C19orf44: variants seen among roughly 807,000 people sequenced by gnomAD.
C19orf44 encodes the protein chromosome 19 open reading frame 44.
C19orf44 carries 43 observed loss-of-function variants against 50.7 expected under a neutral mutation model. That is an observed-to-expected ratio of 0.85 (90% CI 0.66 to 1.09). The LOEUF (loss-of-function observed/expected upper bound fraction) is 1.09. Ranked by LOEUF, C19orf44 falls within the 50% of genes least tolerant of loss-of-function variation. The pLI, the probability that C19orf44 is intolerant of heterozygous loss-of-function variation, is 0.00. For missense variants in C19orf44, 722 were observed against 836.2 expected (o/e 0.86, Z 1.68); for synonymous variants, 298 against 334.7 (o/e 0.89, Z 1.20).
chr19:16,507,995 T>C (rs1462554936), intron 4 of C19orf44, among the ~76,000 whole-genome samples: 2 of 151,286 alleles, frequency 1.3e-5, no homozygotes, highest in Non-Finnish European at 2.9e-5. Flanking sequence ...TTAGTAGAGA[T>C]GGGGTTTCAC....
In C19orf44 at chr19:16,519,766, G is replaced by A. The variant is rs1329521956; in HGVS notation, c.*41-328G>A. 3 of 1,476,568 alleles carry A rather than the reference G, an allele frequency of 2.0e-6. No individual in the cohort carries two copies. The highest frequency in any genetic ancestry group is 2.8e-6 in the Non-Finnish European group (3 of 1,055,142). The allele number at this position is 1,476,568 out of a possible 1,614,324, so 91.5% of individuals were successfully genotyped here. A position where few individuals can be genotyped will look rare whatever the true frequency, so the allele number is the denominator to read the frequency against. On this transcript the variant is annotated intron_variant, in intron 8 of 8. Transcript: ENST00000221671. The surrounding 1 kb of genome is among the most constrained non-coding windows in gnomAD (Gnocchi z 6.0). The stretch of plus-strand genomic sequence containing the variant: ...TTAAGAAGTAACTGAGACATTTATT[G>A]GAATGACAGTGATGAGGACCTCACA...
chr19:16,503,904 G>A (rs1412839358), intron 3 of C19orf44, among the ~76,000 whole-genome samples: 3 of 152,168 alleles, frequency 2.0e-5, no homozygotes, highest in Non-Finnish European at 4.4e-5. Context: ...CCTGTTGGAA[G>A]CTGTTGGAGG....
chr19:16,502,978 C>A, intron 2 of C19orf44, 87 bp from the exon 3 acceptor site: 1 of 1,252,860 alleles, frequency 8.0e-7, no homozygotes, highest in Non-Finnish European at 1.1e-6. Context: ...CAGAGTGAGA[C>A]CCTTTCTCAA....
At chr19:16,507,105 G>A (rs2093442766) in intron 4 of C19orf44, among the ~76,000 whole-genome samples, 1 of 152,230 alleles carries the variant, frequency 6.6e-6, no homozygotes, top group South Asian at 2.1e-4. Context: ...GGTGACAGAT[G>A]CCACTGGCAT....
At chr19:16,518,670 G>A (rs975339447) in intron 8 of C19orf44, 2 of 156,752 alleles carry the variant, frequency 1.3e-5, no homozygotes, top group African/African-American at 2.4e-5. Flanking sequence ...CATGGCACTG[G>A]GCTTCGGCTT....
At chr19:16,500,149 G>A (rs1169029386) in intron 1 of C19orf44, among the ~76,000 whole-genome samples, 1 of 151,908 alleles carries the variant, frequency 6.6e-6, no homozygotes, top group Non-Finnish European at 1.5e-5. Context: ...GGCTGGTCTC[G>A]AACCCCTGGG....
intron 5 of C19orf44, 154 bp downstream of exon 5, chr19:16,510,142 C>T: frequency 8.6e-7 from 1 of 1,157,874 alleles, no homozygotes; most frequent in Non-Finnish European, 1.2e-6. Context: ...CAAGGTGGCT[C>T]ACGCCTGTAA....
intron 6 of C19orf44, 96 bp from the exon 7 acceptor site, chr19:16,514,401 A>T: frequency 1.0e-4 from 118 of 1,148,098 alleles, no homozygotes; most frequent in Middle Eastern, 2.6e-4. Flanking sequence ...AAAAAAAAAG[A>T]TTTCAGAGAG....
chr19:16,499,278 T>C (rs1053530322), intron 1 of C19orf44, among the ~76,000 whole-genome samples: 8 of 152,170 alleles, frequency 5.3e-5, no homozygotes, highest in East Asian at 3.9e-4. Context: ...CATTCTTGTA[T>C]AGAATCTTTT....
chr19:16,506,450 G>A (rs1356787416), intron 3 of C19orf44, among the ~76,000 whole-genome samples: 3 of 151,974 alleles, frequency 2.0e-5, no homozygotes, highest in Non-Finnish European at 2.9e-5. Context: ...AAAATTAGCC[G>A]GGCGAGGTGT....
chr19:16,518,046 T>G (rs1321091494), intron 8 of C19orf44: 1 of 152,182 alleles, frequency 6.6e-6, no homozygotes, highest in Non-Finnish European at 1.5e-5. Context: ...CACGTTGGGT[T>G]GAAAAGTTGG....
Position 16,520,061 on chromosome 19 carries a change from G to GTC in C19orf44, c.*41-30_*41-29dup, listed in dbSNP as rs758487995. ...CTAATGCTGGCGGCCTCCTAACACA[G>GTC]TCTCCTAACCACCAATGTTTCCACA... On this transcript the variant is annotated intron_variant, in intron 8 of 8. Transcript: ENST00000221671. This position sits in a 1 kb window ranked among gnomAD's most constrained non-coding sequence, Gnocchi z 4.0. The GTC allele has an allele frequency of 5.0e-6, 7 of 1,387,660 alleles. No homozygotes were observed. The highest frequency in any genetic ancestry group is 7.1e-6 in the Non-Finnish European group (7 of 991,116). 86.0% of individuals were successfully genotyped at this position (1,387,660 alleles called of 1,614,324 possible).
chr19:16,498,827 C>T (rs1294459173), intron 1 of C19orf44, among the ~76,000 whole-genome samples: 2 of 151,876 alleles, frequency 1.3e-5, no homozygotes, highest in Non-Finnish European at 2.9e-5. Context: ...CCCACCACCG[C>T]GCCCGGCTAA....
intron 4 of C19orf44, among the ~76,000 whole-genome samples, chr19:16,508,089 G>A (rs2093445607): frequency 6.6e-6 from 1 of 151,760 alleles, no homozygotes; most frequent in South Asian, 2.1e-4. Context: ...ACAGGCGTGA[G>A]CCACCACGCC....
Position 16,519,089 on chromosome 19 carries a change from T to A in C19orf44, c.*41-1005T>A, listed in dbSNP as rs1310070898. 1 of 1,396,972 alleles carries A rather than the reference T, an allele frequency of 7.2e-7. No individual in the cohort carries two copies. The allele number at this position is 1,396,972 out of a possible 1,614,324, so 86.5% of individuals were successfully genotyped here. ...AACTGAGCTGTCACTGCAATCTTCC[T>A]CTGCCAGTCAGCCAGGAAGGTCCCA... On this transcript the variant is annotated intron_variant, in intron 8 of 8. Transcript: ENST00000221671. The surrounding 1 kb of genome is among the most constrained non-coding windows in gnomAD (Gnocchi z 6.0).
intron 5 of C19orf44, among the ~76,000 whole-genome samples, chr19:16,512,114 A>G (rs2122213606): frequency 6.7e-6 from 1 of 150,328 alleles, no homozygotes; most frequent in East Asian, 2.0e-4. Flanking sequence ...CGGGCCCCCC[A>G]GGAGAGGGTG....
Position 16,506,753 on chromosome 19 carries a change from GA to G in C19orf44, c.1130del (p.Asn377ThrfsTer85). Reference sequence around the variant, plus strand: ...ACGGTCTGGCTCCAGCTGTCAGTGAGAACTCCGATTTGGAACAGGAAGTAAG... The same window carrying G: ...ACGGTCTGGCTCCAGCTGTCAGTGAGACTCCGATTTGGAACAGGAAGTAAG... ...LDGLAPAVSE[N>X]SDLEQEEESA... On this transcript the variant is annotated frameshift_variant, in exon 4 of 9. Transcript: ENST00000221671. LOFTEE classifies it high-confidence loss of function. 3.7e-6 allele frequency: 6 copies of G among 1,605,608 alleles called. No individual in the cohort carries two copies. The highest frequency in any genetic ancestry group is 5.1e-6 in the Non-Finnish European group (6 of 1,175,866).
Position 16,521,147 on chromosome 19 carries a change from G to A in C19orf44, c.*1094G>A. The A allele has an allele frequency of 1.7e-6, 1 of 596,062 alleles. No homozygotes were observed. Among genetic ancestry groups the A allele is most frequent in the Non-Finnish European group, 3.0e-6 (1 of 333,430 alleles). The allele number at this position is 596,062 out of a possible 1,614,324, so 36.9% of individuals were successfully genotyped here. A position where few individuals can be genotyped will look rare whatever the true frequency, so the allele number is the denominator to read the frequency against. On this transcript the variant is annotated 3_prime_UTR_variant, in exon 9 of 9. Transcript: ENST00000221671. ...GCCACCCTGCTGTTCCGCTGAGGTG[G>A]TGGGGACCCATGGTCTGTGGAACTG...
chr19:16,515,429 G>A (rs574177707), intron 7 of C19orf44, among the ~76,000 whole-genome samples: 1 of 152,336 alleles, frequency 6.6e-6, no homozygotes, highest in East Asian at 1.9e-4. Flanking sequence ...TTGCAGAGAT[G>A]TGTAACCTGC....
Sources: gnomAD v4.1 joint callset for allele counts (sites outside exome capture counted in the v4.1 genomes callset) on GRCh38, gnomAD v4.1.1 for gene constraint, Gnocchi (gnomAD v3.1) non-coding constraint, MANE v1.5 for transcripts, NCBI Gene and HGNC (gene_info 2026-07-23, HGNC 2026-07-21) for gene names.